BSCL2: variants seen among roughly 807,000 people sequenced by gnomAD.
BSCL2 encodes seipin.
In BSCL2, 41 loss-of-function variants were observed where a neutral mutation model predicts 57.4. The observed-to-expected ratio is 0.71, with a 90% CI of 0.56 to 0.93. The LOEUF is 0.93. Ranked by LOEUF, BSCL2 falls within the 40% of genes least tolerant of loss-of-function variation. The pLI, the probability that BSCL2 is intolerant of heterozygous loss-of-function variation, is 0.00. For synonymous variants in BSCL2, 237 were observed against 227.3 expected, an observed-to-expected ratio of 1.04 and a Z score of -0.38; for missense variants, 539 against 586.7, an observed-to-expected ratio of 0.92 and a Z score of 0.84.
At chr11:62,701,201 A>G (rs148298560) in intron 3 of BSCL2, among the ~76,000 whole-genome samples, 8 of 152,302 alleles carry the variant, frequency 5.3e-5, no homozygotes, top group African/African-American at 1.9e-4. Context: ...GTAATAGCTC[A>G]TTTGTTCATT....
chr11:62,701,856 T>C (rs1165350494), intron 3 of BSCL2, among the ~76,000 whole-genome samples: 1 of 143,062 alleles, frequency 7.0e-6, no homozygotes, highest in Non-Finnish European at 1.5e-5. Context: ...AGAAAGAGAG[T>C]GAAAAACAGA....
chr11:62,698,070 C>T (rs917037121), intron 3 of BSCL2, among the ~76,000 whole-genome samples: 1 of 150,886 alleles, frequency 6.6e-6, no homozygotes, highest in Non-Finnish European at 1.5e-5. Context: ...ACCACGCCCA[C>T]CTAATTTTTT....
At position 62,707,246 on chromosome 11, in the gene BSCL2, G is replaced by C. The variant is rs181391402; in HGVS notation, c.-51C>G. The C allele has an allele frequency of 6.3e-5, 95 of 1,501,574 alleles. No homozygotes were observed. Among genetic ancestry groups the C allele is most frequent in the Admixed American group, 1.4e-4 (7 of 50,954 alleles). 93.0% of individuals were successfully genotyped at this position (1,501,574 alleles called of 1,614,324 possible). A position where few individuals can be genotyped will look rare whatever the true frequency, so the allele number is the denominator to read the frequency against. On this transcript the variant is annotated 5_prime_UTR_variant, in exon 1 of 11. Transcript: ENST00000360796. ...TGGATCTTCCACTGAGTCACTTGTG[G>C]CTAAAACGTGAAGTGGCGATCCAGA...
intron 7 of BSCL2, 45 bp from the exon 8 acceptor site, chr11:62,691,186 C>G: frequency 6.2e-7 from 1 of 1,613,942 alleles, no homozygotes. Flanking sequence ...ACTTCCCTCA[C>G]TAACAATCAG....
intron 3 of BSCL2, among the ~76,000 whole-genome samples, chr11:62,696,679 T>A (rs1457536167): frequency 6.6e-6 from 1 of 151,962 alleles, no homozygotes; most frequent in Admixed American, 6.6e-5. Context: ...TGTCTCAGCC[T>A]CCTGAGTAGC....
rs577326228 is a variant in BSCL2 at position 62,694,957 on chromosome 11, C to T, written c.487-246G>A. 9.2e-5 allele frequency among the ~76,000 whole-genome samples: 14 copies of T among 152,260 alleles called. No individual in the cohort carries two copies. The South Asian group carries it at 1.2e-3, about 14-fold the overall frequency. On this transcript the variant is annotated intron_variant, in intron 3 of 10. Transcript: ENST00000360796. ...CCTGAATCAGACTGGCTACCCTGTTCCCAGAAAGGCTGTGTCACGTTTCTT... is the reference window on the plus strand; with the variant it reads ...CCTGAATCAGACTGGCTACCCTGTTTCCAGAAAGGCTGTGTCACGTTTCTT...
At chr11:62,700,272 T>C (rs1378439204) in intron 3 of BSCL2, among the ~76,000 whole-genome samples, 1 of 151,682 alleles carries the variant, frequency 6.6e-6, no homozygotes, top group Non-Finnish European at 1.5e-5. Context: ...CCCCAGACTC[T>C]ATAGGTTATA....
At chr11:62,703,011 G>A (rs200764427) in intron 2 of BSCL2, among the ~76,000 whole-genome samples, 1 of 152,056 alleles carries the variant, frequency 6.6e-6, no homozygotes. Flanking sequence ...TTAGCGGGGC[G>A]TGGTGGCGCA....
Position 62,690,417 on chromosome 11 carries a change from C to G in BSCL2, c.1339G>C (p.Glu447Gln). The change falls in exon 11 of 11, where the codon GAA (glutamate) becomes CAA (glutamine). Residue 447 changes from glutamate (E) to glutamine (Q), a missense_variant. By Grantham distance (29) the Glu-to-Gln change is conservative. This residue lies in a region of BSCL2 where 248 missense variants were observed against 239.9 expected (regional missense o/e 1.03). Transcript: ENST00000360796. ...APVLETLGSS[E>Q]PAGGALRQRP... ...TGTCGGAGAGCACCCCCAGCAGGTT[C>G]AGAGCTGCCCAGAGTCTCTAGGACA... 1 of 1,614,152 alleles carries G rather than the reference C, an allele frequency of 6.2e-7. No individual in the cohort carries two copies. The highest frequency in any genetic ancestry group is 1.1e-5 in the South Asian group (1 of 91,080).
intron 3 of BSCL2, among the ~76,000 whole-genome samples, chr11:62,697,736 G>C (rs993828098): frequency 6.7e-6 from 1 of 150,088 alleles, no homozygotes; most frequent in Admixed American, 6.7e-5. Context: ...AGAGGTTGCA[G>C]TGAAGCAAGA....
chr11:62,705,417 C>T lies in BSCL2; in HGVS notation c.288G>A (p.Gly96=). ...AAAGGAGGATGGTGCAGAAGAGCAC[C>T]CCAAACTGCAGCAGCAGCCTGCGGG... ...GRARRLLLQF[G]VLFCTILLLL... is the part of the protein sequence containing the mutation. Residue 96 remains glycine, a synonymous_variant, in exon 2 of 11, where the codon GGG becomes GGA. Transcript: ENST00000360796. 6.2e-7 allele frequency: 1 copy of T among 1,614,170 alleles called. No homozygotes were observed. Among genetic ancestry groups the T allele is most frequent in the Non-Finnish European group, 8.5e-7 (1 of 1,180,016 alleles).
At chr11:62,708,541 A>G, upstream of BSCL2, 1 of 1,339,368 alleles carries the variant, frequency 7.5e-7, no homozygotes, top group Admixed American at 2.0e-5. Context: ...AGCTGTCCCC[A>G]GGCCTCTGGG....
At position 62,690,424 on chromosome 11, in the gene BSCL2, G is replaced by C; in HGVS notation, c.1332C>G (p.Gly444=). 1 of 1,614,184 alleles carries C rather than the reference G, an allele frequency of 6.2e-7. No individual in the cohort carries two copies. The highest frequency in any genetic ancestry group is 1.3e-5 in the African/African-American group (1 of 75,044). The change falls in exon 11 of 11, where the codon GGC becomes GGG. Residue 444 remains glycine (G), a synonymous_variant. Coordinates refer to ENST00000360796, the MANE Select transcript of BSCL2 (RefSeq NM_001122955.4). ...SASAPVLETL[G]SSEPAGGALR... Reference sequence around the variant, plus strand: ...GAGCACCCCCAGCAGGTTCAGAGCTGCCCAGAGTCTCTAGGACAGGGGCAG... The same window carrying C: ...GAGCACCCCCAGCAGGTTCAGAGCTCCCCAGAGTCTCTAGGACAGGGGCAG...
At chr11:62,697,042 A>C (rs1945490074) in intron 3 of BSCL2, among the ~76,000 whole-genome samples, 1 of 152,034 alleles carries the variant, frequency 6.6e-6, no homozygotes, top group Admixed American at 6.6e-5. Context: ...CAATTCAAAA[A>C]AAAAAAAATT....
intron 2 of BSCL2, among the ~76,000 whole-genome samples, chr11:62,703,775 T>C (rs1945722131): frequency 6.6e-6 from 1 of 151,964 alleles, no homozygotes; most frequent in African/African-American, 2.4e-5. Context: ...AAACCATTGA[T>C]TATAACGCCC....
rs149053766 is a variant in BSCL2 at position 62,691,800 on chromosome 11, T to C, written c.864-379A>G. On this transcript the variant is annotated intron_variant, in intron 6 of 10. Coordinates refer to ENST00000360796, the MANE Select transcript of BSCL2 (RefSeq NM_001122955.4). ...ACGCGGTGGCTCACGCCTGTAATCC[T>C]AGCACTTTGGGAGGCCAAGGTGGAC... Among the ~76,000 whole-genome samples the C allele has an allele frequency of 3.3e-3, 508 of 152,188 alleles. 3 individuals are homozygous for C. Among genetic ancestry groups the C allele is most frequent in the East Asian group, 0.022 (116 of 5,178 alleles).
Position 62,706,155 on chromosome 11 carries a change from G to A in BSCL2, c.88-538C>T, listed in dbSNP as rs1183543997. ...GCCCTGCAGCCAACCGCCGCTTCCC[G>A]CCAGTCCCCTCCAGCTCGGGGGTGG... On this transcript the variant is annotated intron_variant, in intron 1 of 10. Transcript: ENST00000360796. 3.0e-6 allele frequency: 3 copies of A among 996,504 alleles called. No homozygotes were observed. In the Admixed American group the frequency reaches 1.6e-4, roughly 52 times the overall value. 61.7% of individuals were successfully genotyped at this position (996,504 alleles called of 1,614,324 possible). A position where few individuals can be genotyped will look rare whatever the true frequency, so the allele number is the denominator to read the frequency against.
chr11:62,691,572 A>T, intron 6 of BSCL2, 151 bp from the exon 7 acceptor site: 1 of 946,858 alleles, frequency 1.1e-6, no homozygotes, highest in Non-Finnish European at 1.6e-6. Flanking sequence ...AGTTTCCAGA[A>T]CCTGCTATAC....
In BSCL2 at chr11:62,690,831, T is replaced by G; in HGVS notation, c.1109A>C (p.Asp370Ala). ...AGGGCTCTCACCATCCTCTGTAACA[T>G]CTGATTGCGGAGTTGACTCCTCCTG... ...EGQEESTPQS[D>A]VTEDGESPED... Residue 370 changes from aspartate to alanine, a missense_variant, in exon 9 of 11, where the codon GAT (aspartate) becomes GCT (alanine). Coordinates refer to ENST00000360796, the MANE Select transcript of BSCL2 (RefSeq NM_001122955.4). 6.2e-7 allele frequency: 1 copy of G among 1,613,692 alleles called. No individual in the cohort carries two copies. Among genetic ancestry groups the G allele is most frequent in the Non-Finnish European group, 8.5e-7 (1 of 1,180,024 alleles).
Sources: gnomAD v4.1 joint callset for allele counts (sites outside exome capture counted in the v4.1 genomes callset) on GRCh38, gnomAD v4.1.1 for gene constraint, gnomAD v4.1.1 regional missense constraint, MANE v1.5 for transcripts, NCBI Gene and HGNC (gene_info 2026-07-23, HGNC 2026-07-21) for gene names.